Variants in ANO5 observed in about 807,000 individuals in gnomAD.
ANO5 encodes anoctamin 5, also known as anoctamin-5.
ANO5 carries 109 observed loss-of-function variants against 121.0 expected under a neutral mutation model. The ratio of observed to expected loss-of-function variants is 0.90; its 90% CI spans 0.77 to 1.06. The LOEUF is 1.06. Among genes scored for constraint, ANO5 ranks in the 50% least tolerant of loss-of-function variants. ANO5 has a pLI of 0.00. For synonymous variants in ANO5, 406 were observed against 359.9 expected (o/e 1.13, Z -1.45); for missense variants, 1,064 against 1,078.5 (o/e 0.99, Z 0.19).
At chr11:22,217,819 G>T (rs1450541088) in intron 3 of ANO5, among the ~76,000 whole-genome samples, 4 of 151,852 alleles carry the variant, frequency 2.6e-5, no homozygotes, top group Non-Finnish European at 5.9e-5. Flanking sequence ...GAAAAATAAC[G>T]ACTGGGTACT....
chr11:22,209,939 T>C (rs931040482), intron 2 of ANO5, among the ~76,000 whole-genome samples: 1 of 151,942 alleles, frequency 6.6e-6, no homozygotes, highest in African/African-American at 2.4e-5. Flanking sequence ...AATGAAACTA[T>C]AATAAATTTG....
At chr11:22,197,351 T>C (rs1379006597) in intron 1 of ANO5, among the ~76,000 whole-genome samples, 2 of 8,594 alleles carry the variant, frequency 2.3e-4, no homozygotes, top group Non-Finnish European at 8.6e-4. Flanking sequence ...GAATTTAACT[T>C]TTTTTTTTTT....
chr11:22,266,488 T>A (rs1209406852), intron 17 of ANO5, among the ~76,000 whole-genome samples: 1 of 152,208 alleles, frequency 6.6e-6, no homozygotes, highest in Non-Finnish European at 1.5e-5. Flanking sequence ...AAATGATATC[T>A]CATTTTAGTC....
Position 22,252,029 on chromosome 11 carries a change from CAAAAAAAAAAAAAAAAAAA to C in ANO5, c.1180+1030_1180+1048del, listed in dbSNP as rs10525160. Among the ~76,000 whole-genome samples the C allele has an allele frequency of 1.0e-3, 46 of 45,866 alleles. 1 individual carries two copies. The East Asian group carries it at 0.017, about 17-fold the overall frequency. The allele number at this position is 45,866 out of a possible 152,430, so 30.1% of individuals were successfully genotyped here. ...TGAGAGACAGAGCAAGACGCCGTCT[CAAAAAAAAAAAAAAAAAAA>C]AAAAAAAAAAACTAGGCAAGGGCTG... On this transcript the variant is annotated intron_variant, in intron 12 of 21. Coordinates refer to ENST00000324559, the MANE Select transcript of ANO5 (RefSeq NM_213599.3).
intron 20 of ANO5, 35 bp downstream of exon 20, chr11:22,274,782 T>G: frequency 6.2e-7 from 1 of 1,606,990 alleles, no homozygotes; most frequent in Non-Finnish European, 8.5e-7. Context: ...GGTTTTAGTT[T>G]TATCCCTTAA....
chr11:22,193,220 G>T lies in ANO5; in HGVS notation c.-273G>T. On this transcript the variant is annotated 5_prime_UTR_variant, in exon 1 of 22. Transcript: ENST00000324559. ...CCGGCTGAGGGTGGGGAAGCGCAGGGCCAAGCGCGCGAAGCAGGTTGTGGG... is the reference window on the plus strand; with the variant it reads ...CCGGCTGAGGGTGGGGAAGCGCAGGTCCAAGCGCGCGAAGCAGGTTGTGGG... The T allele has an allele frequency of 7.4e-7, 1 of 1,342,490 alleles. No individual in the cohort carries two copies. The highest frequency in any genetic ancestry group is 1.5e-5 in the South Asian group (1 of 65,414). 83.2% of individuals were successfully genotyped at this position (1,342,490 alleles called of 1,614,324 possible).
chr11:22,264,501 C>T (rs987495785), intron 17 of ANO5, among the ~76,000 whole-genome samples: 21 of 150,064 alleles, frequency 1.4e-4, no homozygotes, highest in African/African-American at 5.1e-4. Context: ...AAATTAACAA[C>T]AACAACAACA....
intron 21 of ANO5, among the ~76,000 whole-genome samples, chr11:22,278,387 GTC>G (rs1339864555): frequency 1.3e-5 from 2 of 151,508 alleles, no homozygotes; most frequent in Non-Finnish European, 3.0e-5. Context: ...TCTTTGTGCT[GTC>G]TCTCTGGAAC....
At chr11:22,269,119 AAGAAAGGAAAGGAAAGGAAGGG>A (rs1355745078) in intron 17 of ANO5, among the ~76,000 whole-genome samples, 4 of 148,892 alleles carry the variant, frequency 2.7e-5, no homozygotes, top group Non-Finnish European at 5.9e-5. Context: ...GGAGGGATTA[AAGAAAGGAAAGGAAAGGAAGGG>A]AGAAAGGAAA....
Position 22,282,368 on chromosome 11 carries a change from A to C in ANO5, c.*2603A>C, listed in dbSNP as rs532542974. On this transcript the variant is annotated 3_prime_UTR_variant, in exon 22 of 22. Coordinates refer to ENST00000324559, the MANE Select transcript of ANO5 (RefSeq NM_213599.3). ...GACATTTATTTTAGAGGAATCCATTAAGAAAGGATTGTTTTACTTAAATGA... is the reference window on the plus strand; with the variant it reads ...GACATTTATTTTAGAGGAATCCATTCAGAAAGGATTGTTTTACTTAAATGA... 1.3e-5 allele frequency: 2 copies of C among 152,300 alleles called. No individual in the cohort carries two copies. Among genetic ancestry groups the C allele is most frequent in the Admixed American group, 6.5e-5 (1 of 15,304 alleles). The allele number at this position is 152,300 out of a possible 1,614,324, so 9.4% of individuals were successfully genotyped here. A position where few individuals can be genotyped will look rare whatever the true frequency, so the allele number is the denominator to read the frequency against.
chr11:22,272,896 T>G lies in ANO5; in HGVS notation c.2142T>G (p.Thr714=). 6.2e-7 allele frequency: 1 copy of G among 1,614,152 alleles called. No homozygotes were observed. Residue 714 remains threonine, a synonymous_variant, in exon 19 of 22, where the codon ACT becomes ACG. Coordinates refer to ENST00000324559, the MANE Select transcript of ANO5 (RefSeq NM_213599.3). The part of the protein sequence containing the change: ...EIRVDAWKLT[T]QYRRTVASKA... The stretch of plus-strand genomic sequence containing the variant: ...GAGTGGATGCCTGGAAACTTACCAC[T>G]CAATACAGGAGAACTGTAGCTTCTA...
Position 22,279,537 on chromosome 11 carries a change from C to T in ANO5, c.2521-7C>T, listed in dbSNP as rs201438159. ...AGCGTCTAATCTTTCCTTTATATTT[C>T]CTCTAGCATGTTGTGTTTTTAGTTA... On this transcript the variant is annotated splice_region_variant and splice_polypyrimidine_tract_variant and intron_variant, in intron 21 of 21. Transcript: ENST00000324559. 331 of 1,603,838 alleles carry T rather than the reference C, an allele frequency of 2.1e-4. 2 individuals carry two copies. In the African/African-American group the frequency reaches 3.9e-3, roughly 19 times the overall value.
chr11:22,230,688 A>G (rs1240732807), intron 7 of ANO5, among the ~76,000 whole-genome samples: 1 of 152,008 alleles, frequency 6.6e-6, no homozygotes, highest in East Asian at 1.9e-4. Flanking sequence ...TATCAGTACC[A>G]AAAAGCAGAC....
At chr11:22,278,525 T>G in intron 21 of ANO5, among the ~76,000 whole-genome samples, 1 of 144,374 alleles carries the variant, frequency 6.9e-6, no homozygotes, top group East Asian at 1.9e-4. Context: ...TATCTGGTTC[T>G]TTTCCTTTTT....
intron 15 of ANO5, 32 bp from the exon 16 acceptor site, chr11:22,262,097 G>T: frequency 6.2e-7 from 1 of 1,608,084 alleles, no homozygotes; most frequent in Non-Finnish European, 8.5e-7. Context: ...AAAATAAGAA[G>T]ATGCACTAAA....
At chr11:22,245,977 C>A (rs969008919) in intron 9 of ANO5, among the ~76,000 whole-genome samples, 5 of 152,126 alleles carry the variant, frequency 3.3e-5, no homozygotes, top group Admixed American at 3.3e-4. Context: ...GAATCTGTTT[C>A]TGTGTGTGCT....
rs756578795 is a variant in ANO5, at chr11:22,274,745, C to T, written c.2412C>T (p.Cys804=). Residue 804 remains cysteine, a splice_region_variant and synonymous_variant, in exon 20 of 22, where the codon TGC becomes TGT. Coordinates refer to ENST00000324559, the MANE Select transcript of ANO5 (RefSeq NM_213599.3). The part of the protein sequence containing the change: ...APSEKRDFIT[C]RYRDYRYPPD... ...CGGAAAAACGAGACTTCATCACTTG[C>T]AGGTGATTTGTTTGTTTGTTTGTTT... The T allele has an allele frequency of 2.5e-6, 4 of 1,613,130 alleles. No homozygotes were observed. The highest frequency in any genetic ancestry group is 1.1e-5 in the South Asian group (1 of 91,072).
chr11:22,236,246 CACTT>C lies in ANO5; in HGVS notation c.736_739del (p.Tyr246HisfsTer43). The stretch of plus-strand genomic sequence containing the variant: ...GGATTGAAAGACTGCTAAACTCTAA[CACTT>C]ACTCATCTGCCTATCCACTCCATGA... On this transcript the variant is annotated frameshift_variant, in exon 8 of 22. Coordinates refer to ENST00000324559, the MANE Select transcript of ANO5 (RefSeq NM_213599.3). LOFTEE classifies it high-confidence loss of function. 1 of 1,613,024 alleles carries C rather than the reference CACTT, an allele frequency of 6.2e-7. No homozygotes were observed. Among genetic ancestry groups the C allele is most frequent in the South Asian group, 1.1e-5 (1 of 91,068 alleles).
rs71034583 is a variant in ANO5 at position 22,264,024 on chromosome 11, C to CTTTTT, written c.1898+994_1898+998dup. ...ACATCCATAAGGGAAATAGCCAAAC[C>CTTTTT]TTTTTTTTTTTTTTTTTGAGACAGA... is the stretch of plus-strand genomic sequence containing the variant. On this transcript the variant is annotated intron_variant, in intron 17 of 21. Transcript: ENST00000324559. Among the ~76,000 whole-genome samples the CTTTTT allele has an allele frequency of 3.7e-4, 48 of 128,102 alleles. 2 individuals are homozygous for CTTTTT. Among genetic ancestry groups the CTTTTT allele is most frequent in the African/African-American group, 1.4e-3 (45 of 32,022 alleles). The allele number at this position is 128,102 out of a possible 152,430, so 84.0% of individuals were successfully genotyped here.
Sources: allele counts gnomAD v4.1 joint callset (sites outside exome capture counted in the v4.1 genomes callset), GRCh38; gene constraint gnomAD v4.1.1; transcripts MANE v1.5; gene names NCBI Gene and HGNC (gene_info 2026-07-23, HGNC 2026-07-21).